The following B4GALT6 variants were observed in gnomAD, a reference collection of about 807,000 sequenced individuals.
The protein encoded by B4GALT6 is UDP-Gal:beta-GlcNAc beta-1,4-galactosyltransferase 6.
In B4GALT6, 14 loss-of-function variants were observed where a neutral mutation model predicts 46.3. The observed-to-expected ratio is 0.30, with a 90% CI of 0.20 to 0.47. The LOEUF (loss-of-function observed/expected upper bound fraction) is 0.47, where lower values mean the gene tolerates loss of function less well. Ranked by LOEUF, B4GALT6 falls within the 20% of genes least tolerant of loss-of-function variation. The pLI is 0.99. For missense variants in B4GALT6, 386 were observed against 480.1 expected (o/e 0.80, Z 1.83); for synonymous variants, 168 against 162.0 (o/e 1.04, Z -0.28).
intron 1 of B4GALT6, among the ~76,000 whole-genome samples, chr18:31,684,108 T>C: frequency 6.6e-6 from 1 of 152,204 alleles, no homozygotes; most frequent in Admixed American, 6.5e-5. Context: ...AAACATGCAT[T>C]AACAAAATGC....
At chr18:31,715,513 C>A in the B4GALT6 span, among the ~76,000 whole-genome samples, 1 of 146,948 alleles carries the variant, frequency 6.8e-6, no homozygotes, top group African/African-American at 2.5e-5. Flanking sequence ...CAGGCATGAG[C>A]CACAGCGCCT....
chr18:31,673,265 G>C (rs530065375), intron 1 of B4GALT6, among the ~76,000 whole-genome samples: 9 of 151,928 alleles, frequency 5.9e-5, no homozygotes, highest in Non-Finnish European at 7.4e-5. Flanking sequence ...AGCAGATGGA[G>C]AGTTTAAAAA....
At chr18:31,707,209 T>G in the B4GALT6 span, among the ~76,000 whole-genome samples, 1 of 149,814 alleles carries the variant, frequency 6.7e-6, no homozygotes, top group South Asian at 2.1e-4. Context: ...ATGGTAAATT[T>G]ATTTTAAAAT....
intron 3 of B4GALT6, among the ~76,000 whole-genome samples, chr18:31,652,019 C>G (rs1163249332): frequency 6.6e-6 from 1 of 152,152 alleles, no homozygotes; most frequent in Non-Finnish European, 1.5e-5. Context: ...ATCTGCCCGC[C>G]TCGGCCTCTC....
chr18:31,659,324 A>G (rs2074183068), intron 2 of B4GALT6, among the ~76,000 whole-genome samples: 1 of 152,202 alleles, frequency 6.6e-6, no homozygotes, highest in South Asian at 2.1e-4. Flanking sequence ...AAGCACCTCC[A>G]TTGCACACCT....
At chr18:31,671,217 G>A (rs780094903) in intron 1 of B4GALT6, among the ~76,000 whole-genome samples, 1 of 152,144 alleles carries the variant, frequency 6.6e-6, no homozygotes, top group Non-Finnish European at 1.5e-5. Flanking sequence ...ACGTGTGCAT[G>A]TGTCTTTATC....
chr18:31,700,747 C>G, the B4GALT6 span, among the ~76,000 whole-genome samples: 1 of 152,020 alleles, frequency 6.6e-6, no homozygotes, highest in Non-Finnish European at 1.5e-5. Context: ...TGAGCCACCG[C>G]GCCCGGCCAA....
chr18:31,720,293 C>T, the B4GALT6 span, among the ~76,000 whole-genome samples: 4 of 152,154 alleles, frequency 2.6e-5, no homozygotes, highest in African/African-American at 9.7e-5. Context: ...GCTCCTAGTC[C>T]CTCACTTCTG....
chr18:31,719,786 C>T, the B4GALT6 span, among the ~76,000 whole-genome samples: 1 of 152,050 alleles, frequency 6.6e-6, no homozygotes, highest in Non-Finnish European at 1.5e-5. Context: ...TCTTGCCGTC[C>T]TCTGCTCCTG....
chr18:31,633,094 C>G (rs1308439950), intron 5 of B4GALT6, among the ~76,000 whole-genome samples: 1 of 152,124 alleles, frequency 6.6e-6, no homozygotes, highest in African/African-American at 2.4e-5. Context: ...TTAGTCTACT[C>G]TCACATTTGT....
Position 31,631,121 on chromosome 18 carries a change from G to A in B4GALT6, c.614C>T (p.Ala205Val), listed in dbSNP as rs901456078. Residue 205 changes from alanine to valine, a missense_variant, in exon 6 of 9, where the codon GCG becomes GTG. Physicochemically the swap from Ala to Val is moderately conservative, Grantham distance 64 (BLOSUM62 0). Transcript: ENST00000306851. ...TTTGAAGCCCACATTGAAAAGCATC[G>A]CACGGTTAAAAGGTTGTGTGCCAGT... ...EQTGTQPFNR[A>V]MLFNVGFKEA... 1.2e-6 allele frequency: 2 copies of A among 1,613,340 alleles called. No individual in the cohort carries two copies. Among genetic ancestry groups the A allele is most frequent in the Non-Finnish European group, 8.5e-7 (1 of 1,179,900 alleles).
intron 3 of B4GALT6, among the ~76,000 whole-genome samples, chr18:31,650,508 G>T (rs555727480): frequency 1.9e-4 from 29 of 152,326 alleles, no homozygotes; most frequent in African/African-American, 6.7e-4. Flanking sequence ...CTGGTCTCCA[G>T]ACCTGAGCAA....
At chr18:31,716,848 C>T in the B4GALT6 span, among the ~76,000 whole-genome samples, 2 of 152,102 alleles carry the variant, frequency 1.3e-5, no homozygotes, top group Non-Finnish European at 2.9e-5. Flanking sequence ...GCCTGTAATC[C>T]CAGCACTTTG....
chr18:31,656,260 C>T (rs1598902604), intron 3 of B4GALT6, among the ~76,000 whole-genome samples: 1 of 151,890 alleles, frequency 6.6e-6, no homozygotes. Context: ...TAAAAAAGCT[C>T]GTGTCAAGAA....
At chr18:31,719,818 C>A in the B4GALT6 span, among the ~76,000 whole-genome samples, 1 of 152,002 alleles carries the variant, frequency 6.6e-6, no homozygotes, top group East Asian at 1.9e-4. Flanking sequence ...CAGAACTGGT[C>A]GAGCCAGATT....
In B4GALT6 at chr18:31,684,506, A is replaced by C. The variant is rs1183291624; in HGVS notation, c.-80T>G. ...ACTGTCCAGGCCCTAAACTTCCATA[A>C]ATGTGCTGAGAACCCCGAGACTGCA... On this transcript the variant is annotated 5_prime_UTR_variant, in exon 1 of 9. The change creates a new upstream start codon in the 5' untranslated region. Transcript: ENST00000306851. The C allele has an allele frequency of 1.2e-5, 18 of 1,555,220 alleles. No homozygotes were observed. The highest frequency in any genetic ancestry group is 1.6e-5 in the Non-Finnish European group (18 of 1,151,118).
upstream of B4GALT6, among the ~76,000 whole-genome samples, chr18:31,690,409 G>T (rs531939735): frequency 2.0e-5 from 3 of 152,250 alleles, no homozygotes; most frequent in Admixed American, 2.0e-4. Flanking sequence ...GGGATTACAG[G>T]TGTAAGCCAC....
At chr18:31,709,737 G>A in the B4GALT6 span, among the ~76,000 whole-genome samples, 1 of 151,850 alleles carries the variant, frequency 6.6e-6, no homozygotes, top group African/African-American at 2.4e-5. Context: ...ACAAGTTCCA[G>A]ACAAATAGGA....
At chr18:31,682,117 A>C (rs1244420019) in intron 1 of B4GALT6, among the ~76,000 whole-genome samples, 1 of 152,194 alleles carries the variant, frequency 6.6e-6, no homozygotes, top group Non-Finnish European at 1.5e-5. Context: ...AGAACAACTG[A>C]AAAACTATGG....
Sources: allele counts gnomAD v4.1 joint callset (sites outside exome capture counted in the v4.1 genomes callset), GRCh38; gene constraint gnomAD v4.1.1; transcripts MANE v1.5; gene names NCBI Gene and HGNC (gene_info 2026-07-23, HGNC 2026-07-21).